The following PTPRG variants were observed in gnomAD, a reference collection of about 807,000 sequenced individuals.
The protein encoded by PTPRG is receptor-type tyrosine-protein phosphatase gamma.
In PTPRG, 102 loss-of-function variants were observed where a neutral mutation model predicts 165.3. The observed-to-expected ratio is 0.62, with a 90% CI of 0.53 to 0.73. The LOEUF (loss-of-function observed/expected upper bound fraction) is 0.73, where lower values mean the gene tolerates loss of function less well. Ranked by LOEUF, PTPRG falls within the 30% of genes least tolerant of loss-of-function variation. PTPRG has a pLI of 0.00. For missense variants in PTPRG, 1,866 were observed against 1,861.4 expected, an observed-to-expected ratio of 1.00 and a Z score of -0.05; for synonymous variants, 675 against 669.5, an observed-to-expected ratio of 1.01 and a Z score of -0.13.
At chr3:61,579,699 T>C (rs1043680857) in intron 1 of PTPRG, among the ~76,000 whole-genome samples, 3 of 152,226 alleles carry the variant, frequency 2.0e-5, no homozygotes, top group African/African-American at 4.8e-5. Context: ...TACGCGCAGC[T>C]TGTGAATTGC....
rs201410525 is a variant in PTPRG at position 61,691,093 on chromosome 3, GT to G, written c.86-57782del. On this transcript the variant is annotated intron_variant, in intron 1 of 29. Coordinates refer to ENST00000474889, the MANE Select transcript of PTPRG (RefSeq NM_002841.4). Reference sequence around the variant, plus strand: ...CTATGTATATATGACATGGAAAAATGTTTAAGATGTGGTTGGGTGACTTTAA... The same window carrying G: ...CTATGTATATATGACATGGAAAAATGTTAAGATGTGGTTGGGTGACTTTAA... 2.6e-5 allele frequency among the ~76,000 whole-genome samples: 4 copies of G among 152,132 alleles called. No homozygotes were observed. In the East Asian group the frequency reaches 7.7e-4, roughly 29 times the overall value.
At chr3:61,833,608 G>A (rs913149337) in intron 2 of PTPRG, among the ~76,000 whole-genome samples, 2 of 152,062 alleles carry the variant, frequency 1.3e-5, no homozygotes, top group African/African-American at 4.8e-5. Context: ...TGTCGCCCAG[G>A]CTGGAGTGCA....
At chr3:61,767,304 TA>T (rs1385556351) in intron 2 of PTPRG, among the ~76,000 whole-genome samples, 1 of 151,322 alleles carries the variant, frequency 6.6e-6, no homozygotes, top group African/African-American at 2.4e-5. Flanking sequence ...TTTTTTATGT[TA>T]AAAAAGGCAT....
In PTPRG at chr3:61,634,550, T is replaced by TG. The variant is rs199737505; in HGVS notation, c.85+72178_85+72179insG. On this transcript the variant is annotated intron_variant, in intron 1 of 29. Transcript: ENST00000474889. ...CACCGTGCCCGGCTGTGTGTGTGTG[T>TG]TTTTTTTTTAAACCATGAAGTTGTG... Among the ~76,000 whole-genome samples the TG allele has an allele frequency of 6.2e-3, 928 of 149,730 alleles. 3 individuals carry two copies. The highest frequency in any genetic ancestry group is 0.021 in the African/African-American group (872 of 40,856).
intron 7 of PTPRG, among the ~76,000 whole-genome samples, chr3:62,164,926 A>G (rs1704910357): frequency 6.6e-6 from 1 of 152,204 alleles, no homozygotes; most frequent in Non-Finnish European, 1.5e-5. Context: ...AGATTAAACT[A>G]TTTTGGGACA....
In PTPRG at chr3:62,275,917, T is replaced by C; in HGVS notation, c.3510T>C (p.Ala1170=). 1.9e-6 allele frequency: 3 copies of C among 1,612,126 alleles called. No individual in the cohort carries two copies. In the Admixed American group the frequency reaches 5.0e-5, roughly 27 times the overall value. Residue 1170 remains alanine, a synonymous_variant, in exon 24 of 30, where the codon GCT becomes GCC. Coordinates refer to ENST00000474889, the MANE Select transcript of PTPRG (RefSeq NM_002841.4). ...CAAAATATGTGGAATGTTTCAGTGC[T>C]CAGAAAGAGTGTAACAAAGAAAAGA... ...CNAKYVECFS[A]QKECNKEKNR... is the part of the protein sequence containing the mutation.
At chr3:62,010,081 C>T (rs1032697608) in intron 4 of PTPRG, among the ~76,000 whole-genome samples, 5 of 152,054 alleles carry the variant, frequency 3.3e-5, no homozygotes, top group African/African-American at 9.7e-5. Flanking sequence ...CCGTGCCCAG[C>T]TAATGTTTTT....
At chr3:61,945,623 TTGAG>T (rs989406232) in intron 2 of PTPRG, among the ~76,000 whole-genome samples, 6 of 147,780 alleles carry the variant, frequency 4.1e-5, no homozygotes, top group African/African-American at 1.5e-4. Context: ...AGCTGGAAGA[TTGAG>T]TGAACTCATC....
chr3:62,112,044 G>T (rs1227742108), intron 5 of PTPRG, among the ~76,000 whole-genome samples: 3 of 152,078 alleles, frequency 2.0e-5, no homozygotes, highest in Non-Finnish European at 4.4e-5. Context: ...CAGTGGCTTG[G>T]GTTGTACCAG....
chr3:62,198,836 A>T (rs1268086193), intron 10 of PTPRG, among the ~76,000 whole-genome samples: 1 of 152,248 alleles, frequency 6.6e-6, no homozygotes, highest in Non-Finnish European at 1.5e-5. Flanking sequence ...GGTCCTGCGA[A>T]TGCAGTTGAG....
At chr3:61,594,701 G>A (rs1444843253) in intron 1 of PTPRG, among the ~76,000 whole-genome samples, 8 of 152,120 alleles carry the variant, frequency 5.3e-5, no homozygotes, top group Admixed American at 3.3e-4. Context: ...ACCTGCCTTG[G>A]GTTGGTTGTG....
chr3:62,039,909 ACT>A (rs1282938111), intron 4 of PTPRG, among the ~76,000 whole-genome samples: 1 of 152,190 alleles, frequency 6.6e-6, no homozygotes, highest in Non-Finnish European at 1.5e-5. Flanking sequence ...CCTCCAAGTG[ACT>A]CTCTGTTAAA....
chr3:62,098,141 A>G (rs895457965), intron 5 of PTPRG, among the ~76,000 whole-genome samples: 2 of 152,206 alleles, frequency 1.3e-5, no homozygotes, highest in Non-Finnish European at 2.9e-5. Context: ...ACAATTTATC[A>G]AGTGCCTTTA....
chr3:61,567,819 A>G (rs781245634), intron 1 of PTPRG, among the ~76,000 whole-genome samples: 27 of 152,024 alleles, frequency 1.8e-4, no homozygotes, highest in Non-Finnish European at 3.4e-4. Context: ...CCTCATCTCT[A>G]CAAAAAATAC....
chr3:61,890,909 A>G (rs969613868), intron 2 of PTPRG, among the ~76,000 whole-genome samples: 3 of 152,220 alleles, frequency 2.0e-5, no homozygotes, highest in Non-Finnish European at 4.4e-5. Context: ...TCTTTGTTTT[A>G]TAATTAGTAA....
At chr3:61,950,590 T>A (rs1050798173) in intron 2 of PTPRG, among the ~76,000 whole-genome samples, 48 of 152,074 alleles carry the variant, frequency 3.2e-4, no homozygotes, top group Middle Eastern at 6.3e-3. Flanking sequence ...TTTAAAGCAT[T>A]GGTTATAGGT....
intron 4 of PTPRG, among the ~76,000 whole-genome samples, chr3:62,035,656 C>T (rs1699915769): frequency 6.6e-6 from 1 of 152,188 alleles, no homozygotes; most frequent in Non-Finnish European, 1.5e-5. Context: ...CCTTCAATTG[C>T]TTTATTAATG....
rs112152933 is a variant in PTPRG at position 61,869,997 on chromosome 3, G to A, written c.191-119628G>A. Among the ~76,000 whole-genome samples the A allele has an allele frequency of 3.6e-3, 547 of 151,326 alleles. 1 individual carries two copies. Among genetic ancestry groups the A allele is most frequent in the African/African-American group, 0.013 (521 of 41,264 alleles). ...TGCCACCATGACCCCATCACCCTAC[G>A]TCCCCTCCCCCTTCGACTTGTCCTC... On this transcript the variant is annotated intron_variant, in intron 2 of 29. Transcript: ENST00000474889.
chr3:61,918,439 A>G (rs1014180800), intron 2 of PTPRG, among the ~76,000 whole-genome samples: 3 of 152,146 alleles, frequency 2.0e-5, no homozygotes, highest in Admixed American at 6.5e-5. Context: ...TAATTCTCCT[A>G]TGATGCATTG....
Sources: allele counts gnomAD v4.1 joint callset (sites outside exome capture counted in the v4.1 genomes callset), GRCh38; gene constraint gnomAD v4.1.1; transcripts MANE v1.5; gene names NCBI Gene and HGNC (gene_info 2026-07-23, HGNC 2026-07-21).